KSR2: variants seen among roughly 807,000 people sequenced by gnomAD.
KSR2 encodes the protein kinase suppressor of ras 2.
In KSR2, 25 loss-of-function variants were observed where a neutral mutation model predicts 107.8. The ratio of observed to expected loss-of-function variants is 0.23; its 90% CI spans 0.17 to 0.32. The LOEUF (loss-of-function observed/expected upper bound fraction) is 0.32. Among genes scored for constraint, KSR2 ranks in the 10% least tolerant of loss-of-function variants. KSR2 has a pLI of 1.00. For synonymous variants in KSR2, 480 were observed against 507.0 expected (o/e 0.95, Z 0.71); for missense variants, 887 against 1,268.9 (o/e 0.70, Z 4.57).
intron 5 of KSR2, among the ~76,000 whole-genome samples, chr12:117,653,181 T>C (rs182059180): frequency 1.0e-3 from 158 of 152,368 alleles, no homozygotes; most frequent in African/African-American, 3.5e-3. Context: ...TCTTGGAGAA[T>C]GACAGTGGAT....
intron 3 of KSR2, among the ~76,000 whole-genome samples, chr12:117,832,980 C>A (rs1390264146): frequency 6.6e-6 from 1 of 152,184 alleles, no homozygotes; most frequent in Non-Finnish European, 1.5e-5. Context: ...AGCACGTGGG[C>A]TCCCAACAAA....
chr12:117,922,411 C>T (rs1042430664), intron 1 of KSR2, among the ~76,000 whole-genome samples: 5 of 152,150 alleles, frequency 3.3e-5, no homozygotes, highest in African/African-American at 1.2e-4. Context: ...AGGAAAGCAC[C>T]GTTCACATAT....
At chr12:117,714,381 T>C (rs1282726710) in intron 4 of KSR2, among the ~76,000 whole-genome samples, 1 of 151,968 alleles carries the variant, frequency 6.6e-6, no homozygotes, top group East Asian at 1.9e-4. Context: ...ATTGCACCTG[T>C]TTGCCCCCTA....
At chr12:117,913,891 G>A (rs1326010571) in intron 1 of KSR2, among the ~76,000 whole-genome samples, 1 of 152,168 alleles carries the variant, frequency 6.6e-6, no homozygotes, top group Non-Finnish European at 1.5e-5. Context: ...TCTGCAGCAT[G>A]TTTTATTGTC....
At chr12:117,572,545 C>T (rs560404283) in intron 7 of KSR2, among the ~76,000 whole-genome samples, 60 of 151,962 alleles carry the variant, frequency 3.9e-4, no homozygotes, top group African/African-American at 1.4e-3. Context: ...CAAAGAATCC[C>T]CACATGCTCA....
At chr12:117,575,360 C>T (rs1879217778) in intron 7 of KSR2, among the ~76,000 whole-genome samples, 1 of 152,200 alleles carries the variant, frequency 6.6e-6, no homozygotes, top group African/African-American at 2.4e-5. Flanking sequence ...TGAAATGTCA[C>T]CTGTCACGGC....
intron 3 of KSR2, among the ~76,000 whole-genome samples, chr12:117,819,166 G>C (rs920778250): frequency 6.6e-6 from 1 of 152,102 alleles, no homozygotes. Flanking sequence ...TCAGGCTCAG[G>C]GGAATAAGGC....
chr12:117,795,163 C>T (rs1393240660), intron 3 of KSR2, among the ~76,000 whole-genome samples: 4 of 152,170 alleles, frequency 2.6e-5, no homozygotes, highest in South Asian at 4.1e-4. Context: ...CCTCTGGAAA[C>T]GGGTCCCTTG....
intron 1 of KSR2, among the ~76,000 whole-genome samples, chr12:117,955,081 A>G (rs1335302396): frequency 6.6e-6 from 1 of 151,794 alleles, no homozygotes; most frequent in African/African-American, 2.4e-5. Flanking sequence ...TGAATGCATG[A>G]TTCCATTTAA....
intron 14 of KSR2, among the ~76,000 whole-genome samples, chr12:117,514,958 G>A (rs532563219): frequency 4.9e-4 from 74 of 152,206 alleles, no homozygotes; most frequent in African/African-American, 1.7e-3. Context: ...TGCATATGCT[G>A]TCCCCTCCAT....
intron 4 of KSR2, among the ~76,000 whole-genome samples, chr12:117,736,148 C>T (rs566863874): frequency 1.3e-5 from 2 of 152,274 alleles, no homozygotes; most frequent in East Asian, 3.9e-4. Flanking sequence ...TTTCTCTAGG[C>T]CCAGCCAACT....
intron 10 of KSR2, 27 bp from the exon 11 acceptor site, chr12:117,531,734 T>C: frequency 6.3e-7 from 1 of 1,588,808 alleles, no homozygotes; most frequent in Non-Finnish European, 8.6e-7. Context: ...AACATCAAAG[T>C]GAGTGTCCCC....
chr12:117,819,242 T>C (rs1004797741), intron 3 of KSR2, among the ~76,000 whole-genome samples: 1 of 152,138 alleles, frequency 6.6e-6, no homozygotes, highest in African/African-American at 2.4e-5. Flanking sequence ...ACTGAGTTAT[T>C]TGGGAGGAAG....
chr12:117,750,901 C>T lies in KSR2; in HGVS notation c.986+10110G>A, dbSNP rs1005974699. Among the ~76,000 whole-genome samples, 6 of 152,126 alleles carry T rather than the reference C, an allele frequency of 3.9e-5. No individual in the cohort carries two copies. In the South Asian group the frequency reaches 1.2e-3, roughly 31 times the overall value. ...ATGTACCACATTTTCTTTATCCGAT[C>T]CACCATGGATGGGGACCTAGATTGA... On this transcript the variant is annotated intron_variant, in intron 4 of 19. Transcript: ENST00000339824.
intron 3 of KSR2, among the ~76,000 whole-genome samples, chr12:117,763,381 C>T (rs1406368418): frequency 6.6e-6 from 1 of 152,038 alleles, no homozygotes; most frequent in Admixed American, 6.6e-5. Context: ...CATTCATTTG[C>T]CATATTGACA....
intron 3 of KSR2, among the ~76,000 whole-genome samples, chr12:117,826,144 AGAAT>A (rs139068727): frequency 3.3e-5 from 5 of 150,972 alleles, no homozygotes; most frequent in African/African-American, 7.3e-5. Context: ...AGATGGAGGA[AGAAT>A]GAATGAATGA....
At chr12:117,697,701 C>T (rs893301441) in intron 4 of KSR2, among the ~76,000 whole-genome samples, 24 of 148,218 alleles carry the variant, frequency 1.6e-4, no homozygotes, top group Non-Finnish European at 2.7e-4. Context: ...GATCGCGCCA[C>T]TGCACCCTAG....
chr12:117,729,195 C>T (rs1389623813), intron 4 of KSR2, among the ~76,000 whole-genome samples: 1 of 150,672 alleles, frequency 6.6e-6, no homozygotes, highest in Non-Finnish European at 1.5e-5. Context: ...CGGGAGTCTA[C>T]AACCTAACAT....
At chr12:117,947,376 T>C (rs886227995) in intron 1 of KSR2, among the ~76,000 whole-genome samples, 8 of 151,950 alleles carry the variant, frequency 5.3e-5, no homozygotes, top group African/African-American at 9.7e-5. Flanking sequence ...CTTAACCTTA[T>C]AGAGAAAAGA....
Sources: allele counts gnomAD v4.1 joint callset (sites outside exome capture counted in the v4.1 genomes callset), GRCh38; gene constraint gnomAD v4.1.1; transcripts MANE v1.5; gene names NCBI Gene and HGNC (gene_info 2026-07-23, HGNC 2026-07-21).